C8orf34: variants seen among roughly 807,000 people sequenced by gnomAD.
C8orf34 encodes uncharacterized protein C8orf34.
In C8orf34, 65 loss-of-function variants were observed where a neutral mutation model predicts 68.3. That is an observed-to-expected ratio of 0.95 (90% CI 0.78 to 1.17). C8orf34 has a LOEUF of 1.17. Ranked by LOEUF, C8orf34 falls within the 50% of genes most tolerant of loss-of-function variation. C8orf34 has a pLI of 0.00. For missense variants in C8orf34, 664 were observed against 655.4 expected (o/e 1.01, Z -0.14); for synonymous variants, 244 against 241.2 (o/e 1.01, Z -0.11).
At chr8:68,457,656 A>G (rs571611789) in intron 3 of C8orf34, among the ~76,000 whole-genome samples, 2 of 152,272 alleles carry the variant, frequency 1.3e-5, no homozygotes, top group South Asian at 2.1e-4. Flanking sequence ...TTAATATACA[A>G]TAGGCTGCTT....
At chr8:68,714,060 G>C (rs1437581020) in intron 9 of C8orf34, among the ~76,000 whole-genome samples, 1 of 151,948 alleles carries the variant, frequency 6.6e-6, no homozygotes, top group Non-Finnish European at 1.5e-5. Flanking sequence ...TCTCAGTAAA[G>C]GCAGAAAAAG....
chr8:68,681,388 G>A (rs981196419), intron 8 of C8orf34, among the ~76,000 whole-genome samples: 9 of 152,098 alleles, frequency 5.9e-5, no homozygotes, highest in East Asian at 1.9e-4. Flanking sequence ...GGCTCCAGCC[G>A]GTCCCTCCAT....
At chr8:68,479,543 A>T (rs1812770299) in intron 4 of C8orf34, among the ~76,000 whole-genome samples, 1 of 152,172 alleles carries the variant, frequency 6.6e-6, no homozygotes, top group South Asian at 2.1e-4. Context: ...GGGAGAGAAG[A>T]TAATAGTTGG....
At chr8:68,488,384 T>C (rs1490758252) in intron 5 of C8orf34, among the ~76,000 whole-genome samples, 3 of 151,470 alleles carry the variant, frequency 2.0e-5, no homozygotes, top group East Asian at 1.9e-4. Context: ...GATAATGATA[T>C]GGAAAACATT....
chr8:68,367,917 A>AAAAAAAAAAAAAAAAG (rs1807371397), intron 1 of C8orf34, among the ~76,000 whole-genome samples: 2 of 118,760 alleles, frequency 1.7e-5, no homozygotes, highest in Non-Finnish European at 3.5e-5. Context: ...GAAAAGAAAA[A>AAAAAAAAAAAAAAAAG]AAAAAAAAAA....
chr8:68,409,135 C>T (rs147411588), intron 1 of C8orf34, among the ~76,000 whole-genome samples: 129 of 152,286 alleles, frequency 8.5e-4, no homozygotes, highest in African/African-American at 3.1e-3. Flanking sequence ...CTGTACGGTG[C>T]ATAATACTTG....
chr8:68,634,073 A>G (rs1038209076), intron 7 of C8orf34, among the ~76,000 whole-genome samples: 4 of 152,320 alleles, frequency 2.6e-5, no homozygotes, highest in Admixed American at 1.3e-4. Flanking sequence ...GAATCAGACA[A>G]AGAATGGTAA....
chr8:68,692,584 G>A (rs1361843277), intron 8 of C8orf34, among the ~76,000 whole-genome samples: 7 of 151,866 alleles, frequency 4.6e-5, no homozygotes, highest in African/African-American at 1.7e-4. Flanking sequence ...AGTTTCTAAG[G>A]GAAAAAAAAC....
intron 6 of C8orf34, among the ~76,000 whole-genome samples, chr8:68,528,621 C>T (rs945811313): frequency 6.6e-5 from 10 of 152,186 alleles, no homozygotes; most frequent in African/African-American, 2.4e-4. Flanking sequence ...GACACATGGC[C>T]ACACTGGCCA....
In C8orf34 at chr8:68,452,357, A is replaced by G. The variant is rs117089664; in HGVS notation, c.607+5897A>G. Among the ~76,000 whole-genome samples the G allele has an allele frequency of 6.3e-3, 955 of 151,828 alleles. 6 individuals are homozygous for G. The highest frequency in any genetic ancestry group is 0.017 in the Middle Eastern group (5 of 294). On this transcript the variant is annotated intron_variant, in intron 3 of 13. Coordinates refer to ENST00000518698, the MANE Select transcript of C8orf34 (RefSeq NM_052958.4). ...TTTCAAAGAAGCTGCACCATTTCAC[A>G]TGCTTACTAGCAATATACAAGGGTT...
At position 68,439,656 on chromosome 8, in the gene C8orf34, G is replaced by C; in HGVS notation, c.475+10G>C. ...GAAAGTGAAAAATCAGGTAAATGAAGAATGTCTATGCAGTTAATTTGGGAT... is the reference window on the plus strand; with the variant it reads ...GAAAGTGAAAAATCAGGTAAATGAACAATGTCTATGCAGTTAATTTGGGAT... On this transcript the variant is annotated intron_variant, in intron 2 of 13. Coordinates refer to ENST00000518698, the MANE Select transcript of C8orf34 (RefSeq NM_052958.4). 2.5e-6 allele frequency: 4 copies of C among 1,607,630 alleles called. No individual in the cohort carries two copies. In the South Asian group the frequency reaches 4.5e-5, roughly 18 times the overall value.
intron 12 of C8orf34, among the ~76,000 whole-genome samples, chr8:68,793,097 A>T (rs899218374): frequency 2.0e-5 from 3 of 152,182 alleles, no homozygotes; most frequent in Admixed American, 6.5e-5. Context: ...GAATTAATGG[A>T]AAGTTTTAAT....
At chr8:68,661,992 C>G (rs184626059) in intron 8 of C8orf34, among the ~76,000 whole-genome samples, 72 of 152,154 alleles carry the variant, frequency 4.7e-4, no homozygotes, top group African/African-American at 1.7e-3. Context: ...GAAAGATTAA[C>G]AGGAGAAAAA....
intron 7 of C8orf34, among the ~76,000 whole-genome samples, chr8:68,555,190 C>T (rs560806057): frequency 6.6e-6 from 1 of 152,042 alleles, no homozygotes; most frequent in African/African-American, 2.4e-5. Context: ...GACAGAAAGC[C>T]ATTGTTTCAG....
chr8:68,687,254 T>TA (rs1820547647), intron 8 of C8orf34, among the ~76,000 whole-genome samples: 1 of 151,790 alleles, frequency 6.6e-6, no homozygotes, highest in Non-Finnish European at 1.5e-5. Context: ...AGAACTAGAA[T>TA]AAAAAATCCT....
At chr8:68,755,223 G>C (rs1822820830) in intron 10 of C8orf34, among the ~76,000 whole-genome samples, 1 of 152,164 alleles carries the variant, frequency 6.6e-6, no homozygotes. Flanking sequence ...TTCAACCTTA[G>C]AAGAACTGTC....
chr8:68,783,611 G>A (rs902668584), intron 11 of C8orf34, among the ~76,000 whole-genome samples: 1 of 148,058 alleles, frequency 6.8e-6, no homozygotes, highest in African/African-American at 2.5e-5. Context: ...GCAACCTTTT[G>A]TCTCTCACCT....
At chr8:68,342,332 T>C (rs1030590567) in intron 1 of C8orf34, among the ~76,000 whole-genome samples, 2 of 152,216 alleles carry the variant, frequency 1.3e-5, no homozygotes, top group African/African-American at 4.8e-5. Context: ...GACATATTGA[T>C]AAATTGGACC....
intron 12 of C8orf34, among the ~76,000 whole-genome samples, chr8:68,806,875 A>G (rs944606181): frequency 7.4e-4 from 112 of 152,190 alleles, no homozygotes; most frequent in African/African-American, 2.5e-3. Context: ...GCGGGGCTCA[A>G]CAAGGAGGCT....
Sources: gnomAD v4.1 joint callset for allele counts (sites outside exome capture counted in the v4.1 genomes callset) on GRCh38, gnomAD v4.1.1 for gene constraint, MANE v1.5 for transcripts, NCBI Gene and HGNC (gene_info 2026-07-23, HGNC 2026-07-21) for gene names.